ZZZ3: variants seen among roughly 807,000 people sequenced by gnomAD.
ZZZ3 encodes zinc finger ZZ-type containing 3.
Under a neutral mutation model 95.2 loss-of-function variants are expected in ZZZ3, and 22 were observed. The observed-to-expected ratio is 0.23, with a 90% CI of 0.17 to 0.33. The LOEUF is 0.33. ZZZ3 is among the 10% of genes least tolerant of loss of function. The pLI, the probability that ZZZ3 is intolerant of heterozygous loss-of-function variation, is 1.00. For synonymous variants in ZZZ3, 335 were observed against 358.9 expected, an observed-to-expected ratio of 0.93 and a Z score of 0.75; for missense variants, 885 against 1,066.5, an observed-to-expected ratio of 0.83 and a Z score of 2.37.
rs1483355782 is a variant in ZZZ3 at position 77,660,346 on chromosome 1, A to G, written c.-402-18691T>C. ...CATCTCCAAAACTCCATTTTGTAAA[A>G]CTGAAACTCTACGCTCCTTAAACAT... On this transcript the variant is annotated intron_variant, in intron 1 of 14. Coordinates refer to ENST00000370801, the MANE Select transcript of ZZZ3 (RefSeq NM_015534.6). 2.6e-5 allele frequency among the ~76,000 whole-genome samples: 4 copies of G among 152,144 alleles called. No homozygotes were observed. In the South Asian group the frequency reaches 8.3e-4, roughly 32 times the overall value.
At chr1:77,566,033 G>A (rs774352309) in intron 14 of ZZZ3, 48 bp downstream of exon 14, 8 of 1,422,800 alleles carry the variant, frequency 5.6e-6, no homozygotes, top group South Asian at 5.0e-5. Context: ...TGGCTGAGAA[G>A]CTCTTTTCTT....
chr1:77,614,443 A>G (rs4463724), intron 5 of ZZZ3, among the ~76,000 whole-genome samples: 151,549 of 152,348 alleles, frequency 0.99, 75,382 homozygotes, highest in Middle Eastern at 1. Context: ...TGATTCTGTA[A>G]CTTAGTTCTG....
chr1:77,578,894 A>C, intron 10 of ZZZ3, 25 bp from the exon 11 acceptor site: 1 of 1,456,650 alleles, frequency 6.9e-7, no homozygotes, highest in Non-Finnish European at 9.2e-7. Context: ...CAAGTCTCTT[A>C]ACACAATGAG....
At chr1:77,654,156 C>G (rs1670059432) in intron 1 of ZZZ3, among the ~76,000 whole-genome samples, 1 of 147,648 alleles carries the variant, frequency 6.8e-6, no homozygotes, top group South Asian at 2.2e-4. Flanking sequence ...CCACTGCACT[C>G]CAGCCTGGGC....
At chr1:77,672,039 C>G (rs200856917) in intron 1 of ZZZ3, among the ~76,000 whole-genome samples, 1 of 152,186 alleles carries the variant, frequency 6.6e-6, no homozygotes, top group East Asian at 1.9e-4. Flanking sequence ...GAGATTTCAT[C>G]AGGATACTCA....
At chr1:77,587,346 G>C (rs1054481592) in intron 5 of ZZZ3, among the ~76,000 whole-genome samples, 33 of 140,984 alleles carry the variant, frequency 2.3e-4, no homozygotes, top group African/African-American at 8.8e-4. Context: ...CTCCCTGCAA[G>C]CTCTGCCTCC....
chr1:77,602,052 A>G (rs1241049679), intron 5 of ZZZ3, among the ~76,000 whole-genome samples: 2 of 152,240 alleles, frequency 1.3e-5, no homozygotes, highest in East Asian at 3.8e-4. Flanking sequence ...AACATAAATA[A>G]AAAGCTACGT....
intron 5 of ZZZ3, among the ~76,000 whole-genome samples, chr1:77,612,493 T>C (rs1434613248): frequency 6.6e-6 from 1 of 152,062 alleles, no homozygotes. Flanking sequence ...ACTACCATGT[T>C]CACTGAAGCA....
Position 77,641,650 on chromosome 1 carries a change from T to C in ZZZ3, c.-397A>G. On this transcript the variant is annotated 5_prime_UTR_variant, in exon 2 of 15. Coordinates refer to ENST00000370801, the MANE Select transcript of ZZZ3 (RefSeq NM_015534.6). Reference sequence around the variant, plus strand: ...TTTATATGGTTGTACTAGAATAACTTGATATCTGTGAAGAGAAACCATAAT... The same window carrying C: ...TTTATATGGTTGTACTAGAATAACTCGATATCTGTGAAGAGAAACCATAAT... The C allele has an allele frequency of 2.5e-6, 1 of 397,924 alleles. No homozygotes were observed. The highest frequency in any genetic ancestry group is 4.4e-6 in the Non-Finnish European group (1 of 225,636). 24.6% of individuals were successfully genotyped at this position (397,924 alleles called of 1,614,324 possible).
At chr1:77,645,468 A>G (rs166770) in intron 1 of ZZZ3, 64,115 of 152,626 alleles carry the variant, frequency 0.42, 15,740 homozygotes, top group African/African-American at 0.68. Context: ...GGTGATCTCC[A>G]GGGAGCAGGG....
intron 1 of ZZZ3, among the ~76,000 whole-genome samples, chr1:77,650,738 T>C (rs539494934): frequency 2.8e-5 from 4 of 143,754 alleles, no homozygotes; most frequent in African/African-American, 1.0e-4. Flanking sequence ...ATCAATGAAA[T>C]AGAAAACAAA....
At chr1:77,669,167 C>CA (rs1229674066) in intron 1 of ZZZ3, among the ~76,000 whole-genome samples, 1 of 152,140 alleles carries the variant, frequency 6.6e-6, no homozygotes, top group Non-Finnish European at 1.5e-5. Flanking sequence ...ACAACAGAAA[C>CA]ACACAGTAGT....
intron 12 of ZZZ3, among the ~76,000 whole-genome samples, chr1:77,574,691 T>G (rs1009373387): frequency 6.6e-6 from 1 of 152,138 alleles, no homozygotes; most frequent in African/African-American, 2.4e-5. Context: ...TAGAGTCTTA[T>G]CAAAAGAACT....
chr1:77,566,826 A>G (rs1660875782), intron 13 of ZZZ3, among the ~76,000 whole-genome samples: 1 of 152,210 alleles, frequency 6.6e-6, no homozygotes, highest in Non-Finnish European at 1.5e-5. Context: ...GACAGTCCTC[A>G]GTGTGTTCTG....
chr1:77,608,788 T>C (rs1156865876), intron 5 of ZZZ3, among the ~76,000 whole-genome samples: 1 of 152,210 alleles, frequency 6.6e-6, no homozygotes, highest in African/African-American at 2.4e-5. Flanking sequence ...TTTTTGTTTA[T>C]TTGTTTATGC....
At chr1:77,647,238 G>A (rs540338879) in intron 1 of ZZZ3, among the ~76,000 whole-genome samples, 1 of 152,220 alleles carries the variant, frequency 6.6e-6, no homozygotes, top group East Asian at 1.9e-4. Flanking sequence ...ACATAATAAG[G>A]CTGGCTGCAG....
intron 12 of ZZZ3, among the ~76,000 whole-genome samples, chr1:77,574,257 G>A (rs1389719933): frequency 1.3e-5 from 2 of 151,234 alleles, no homozygotes; most frequent in East Asian, 3.9e-4. Context: ...TAATAGTAGT[G>A]TTGGTTATTA....
intron 5 of ZZZ3, among the ~76,000 whole-genome samples, chr1:77,589,837 G>A (rs1025948716): frequency 4.6e-5 from 7 of 152,108 alleles, no homozygotes; most frequent in Admixed American, 2.0e-4. Flanking sequence ...GAAGGAAGGC[G>A]TGCAGGAGGG....
rs188816416 is a variant in ZZZ3, at chr1:77,634,226, G to A, written c.-51-821C>T. On this transcript the variant is annotated intron_variant, in intron 4 of 14. Transcript: ENST00000370801. ...AAAATAATAATCTTGAACTTATATA[G>A]CAGCTATCTTTCAAAAAACTATTCC... Among the ~76,000 whole-genome samples the A allele has an allele frequency of 3.7e-3, 566 of 151,942 alleles. 9 individuals are homozygous for A. The highest frequency in any genetic ancestry group is 0.031 in the South Asian group (151 of 4,804).
Sources: allele counts gnomAD v4.1 joint callset (sites outside exome capture counted in the v4.1 genomes callset), GRCh38; gene constraint gnomAD v4.1.1; transcripts MANE v1.5; gene names NCBI Gene and HGNC (gene_info 2026-07-23, HGNC 2026-07-21).